The following VGLL3 variants were observed in gnomAD, a reference collection of about 807,000 sequenced individuals.
The protein encoded by VGLL3 is vestigial like family member 3.
VGLL3 carries 18 observed loss-of-function variants against 29.2 expected under a neutral mutation model. The observed-to-expected ratio is 0.62, with a 90% confidence interval of 0.43 to 0.91. VGLL3 has a LOEUF of 0.91. VGLL3 is among the 40% of genes least tolerant of loss of function. The pLI is 0.00. For missense variants in VGLL3, 440 were observed against 413.2 expected, an observed-to-expected ratio of 1.06 and a Z score of -0.56; for synonymous variants, 180 against 151.8, an observed-to-expected ratio of 1.19 and a Z score of -1.36.
In VGLL3 at chr3:86,990,909, G is replaced by T. The variant is rs1705572993; in HGVS notation, c.-166C>A. On this transcript the variant is annotated 5_prime_UTR_variant, in exon 1 of 4. Coordinates refer to ENST00000398399, the MANE Select transcript of VGLL3 (RefSeq NM_016206.4). ...GCCTCGGGCTCCGCGCGGGGCGCGG[G>T]GTCGGGAGGGACTGGCAATCAGCGG... is the stretch of plus-strand genomic sequence containing the variant. 9.0e-7 allele frequency: 1 copy of T among 1,113,088 alleles called. No individual in the cohort carries two copies. The allele number at this position is 1,113,088 out of a possible 1,614,324, so 69.0% of individuals were successfully genotyped here.
chr3:86,981,190 A>G (rs1705318278), intron 1 of VGLL3, among the ~76,000 whole-genome samples: 1 of 152,148 alleles, frequency 6.6e-6, no homozygotes, highest in Non-Finnish European at 1.5e-5. Context: ...TATCAATAGT[A>G]GCAATCATAA....
At chr3:86,990,361 C>T in intron 1 of VGLL3, 2 of 985,384 alleles carry the variant, frequency 2.0e-6, no homozygotes, top group Non-Finnish European at 2.4e-6. Context: ...AGCTAGGGTG[C>T]CTAGGAGGAG....
chr3:86,949,188 G>A (rs1420347930), intron 3 of VGLL3, among the ~76,000 whole-genome samples: 1 of 152,154 alleles, frequency 6.6e-6, no homozygotes, highest in African/African-American at 2.4e-5. Context: ...AAAATCACGT[G>A]AGACTTTTGC....
At position 86,945,782 on chromosome 3, in the gene VGLL3, AATC is replaced by A. The variant is rs1364699593; in HGVS notation, c.*1239_*1241del. On this transcript the variant is annotated 3_prime_UTR_variant, in exon 4 of 4. Coordinates refer to ENST00000398399, the MANE Select transcript of VGLL3 (RefSeq NM_016206.4). ...TAAATTTCTTTCTAAAAAGGAATTA[AATC>A]AAGTAAAGCCAGATTTAAACAAACA... 1 of 152,182 alleles carries A rather than the reference AATC, an allele frequency of 6.6e-6. No individual in the cohort carries two copies. The highest frequency in any genetic ancestry group is 1.5e-5 in the Non-Finnish European group (1 of 68,018). The allele number at this position is 152,182 out of a possible 1,614,324, so 9.4% of individuals were successfully genotyped here.
At chr3:86,973,306 T>A (rs1213500764) in intron 2 of VGLL3, among the ~76,000 whole-genome samples, 2 of 152,216 alleles carry the variant, frequency 1.3e-5, no homozygotes, top group African/African-American at 2.4e-5. Context: ...GATTATTAAA[T>A]GCTAAAAGGT....
rs149203541 is a variant in VGLL3 at position 86,983,649 on chromosome 3, A to G, written c.127-4847T>C. 7.3e-3 allele frequency among the ~76,000 whole-genome samples: 1,109 copies of G among 152,222 alleles called. 6 individuals are homozygous for G. The highest frequency in any genetic ancestry group is 9.8e-3 in the Non-Finnish European group (665 of 67,994). On this transcript the variant is annotated intron_variant, in intron 1 of 3. Coordinates refer to ENST00000398399, the MANE Select transcript of VGLL3 (RefSeq NM_016206.4). ...GATCCTCCTGCCTCAGCCTCCCAGA[A>G]GTGTTGGGATTACAGGCATGAGCCA...
intron 3 of VGLL3, among the ~76,000 whole-genome samples, chr3:86,967,107 C>A (rs1704981367): frequency 6.6e-6 from 1 of 151,918 alleles, no homozygotes; most frequent in African/African-American, 2.4e-5. Flanking sequence ...ACATCCATTT[C>A]CCCCCTTATT....
intron 3 of VGLL3, among the ~76,000 whole-genome samples, chr3:86,958,409 A>C (rs1411877370): frequency 2.6e-5 from 4 of 152,204 alleles, no homozygotes; most frequent in African/African-American, 9.7e-5. Flanking sequence ...AATGATTCAA[A>C]TTTACACCAC....
At position 86,944,236 on chromosome 3, in the gene VGLL3, TC is replaced by T; in HGVS notation, c.*2787del. The T allele has an allele frequency of 1.3e-5, 2 of 152,210 alleles. No individual in the cohort carries two copies. The highest frequency in any genetic ancestry group is 2.9e-5 in the Non-Finnish European group (2 of 68,120). 9.4% of individuals were successfully genotyped at this position (152,210 alleles called of 1,614,324 possible). On this transcript the variant is annotated 3_prime_UTR_variant, in exon 4 of 4. Transcript: ENST00000398399. Reference sequence around the variant, plus strand: ...TGGCAGTGTACCCCAAACACCTAGGTCCTGTTTTCTTTTTCCTTTTGAGACA... The same window carrying T: ...TGGCAGTGTACCCCAAACACCTAGGTCTGTTTTCTTTTTCCTTTTGAGACA...
At chr3:86,947,662 CTTATT>C (rs1559718557) in intron 3 of VGLL3, among the ~76,000 whole-genome samples, 1 of 152,064 alleles carries the variant, frequency 6.6e-6, no homozygotes, top group South Asian at 2.1e-4. Flanking sequence ...TATTAATTTA[CTTATT>C]TTATCTTATC....
chr3:86,968,535 C>A, intron 3 of VGLL3, 55 bp downstream of exon 3: 1 of 1,518,472 alleles, frequency 6.6e-7, no homozygotes, highest in East Asian at 2.3e-5. Context: ...AAATTTCCAC[C>A]CTTTCTTAAA....
chr3:86,964,622 G>T (rs1023756701), intron 3 of VGLL3, among the ~76,000 whole-genome samples: 1 of 152,130 alleles, frequency 6.6e-6, no homozygotes, highest in Non-Finnish European at 1.5e-5. Context: ...TGGCATTAGT[G>T]CCCTTATAAA....
At position 86,968,570 on chromosome 3, in the gene VGLL3, A is replaced by G; in HGVS notation, c.937+20T>C. 6.3e-7 allele frequency: 1 copy of G among 1,589,516 alleles called. No homozygotes were observed. The highest frequency in any genetic ancestry group is 8.6e-7 in the Non-Finnish European group (1 of 1,166,332). On this transcript the variant is annotated intron_variant, in intron 3 of 3. Transcript: ENST00000398399. ...ATTAACTTTATCTTGTTATAGGAAG[A>G]AAGAAATCCAGCAGCTTACCTGTAT...
chr3:86,982,226 C>T (rs951184382), intron 1 of VGLL3, among the ~76,000 whole-genome samples: 10 of 152,098 alleles, frequency 6.6e-5, no homozygotes, highest in Non-Finnish European at 1.0e-4. Flanking sequence ...CTCACTGCAA[C>T]CTCCGCCTCC....
rs1240327238 is a variant in VGLL3 at position 86,940,786 on chromosome 3, A to G, written c.*6238T>C. ...AAGAAAATGTTTTCCCAACCCCACAAAAACAGAAAAAAATATATAATTTTA... is the reference window on the plus strand; with the variant it reads ...AAGAAAATGTTTTCCCAACCCCACAGAAACAGAAAAAAATATATAATTTTA... On this transcript the variant is annotated 3_prime_UTR_variant, in exon 4 of 4. Transcript: ENST00000398399. The G allele has an allele frequency of 6.6e-6, 1 of 151,884 alleles. No individual in the cohort carries two copies. The highest frequency in any genetic ancestry group is 1.5e-5 in the Non-Finnish European group (1 of 67,884). The allele number at this position is 151,884 out of a possible 1,614,324, so 9.4% of individuals were successfully genotyped here.
chr3:86,978,351 C>A (rs1436937322), intron 2 of VGLL3, among the ~76,000 whole-genome samples, 175 bp downstream of exon 2: 1 of 152,154 alleles, frequency 6.6e-6, no homozygotes, highest in Non-Finnish European at 1.5e-5. Flanking sequence ...ACCCTACATT[C>A]CACATGTGAC....
At chr3:86,958,199 A>G (rs574663523) in intron 3 of VGLL3, among the ~76,000 whole-genome samples, 1 of 152,268 alleles carries the variant, frequency 6.6e-6, no homozygotes, top group South Asian at 2.1e-4. Flanking sequence ...GTCACAATAA[A>G]CATTTTTGTA....
At chr3:86,957,655 C>T (rs1186830181) in intron 3 of VGLL3, among the ~76,000 whole-genome samples, 1 of 152,122 alleles carries the variant, frequency 6.6e-6, no homozygotes, top group African/African-American at 2.4e-5. Context: ...GTTTCAGTCC[C>T]ATTTTTCCCT....
intron 2 of VGLL3, among the ~76,000 whole-genome samples, chr3:86,973,129 AT>A (rs1261247823): frequency 7.9e-5 from 12 of 152,278 alleles, no homozygotes; most frequent in Non-Finnish European, 1.5e-5. Context: ...CGAGTAAAAA[AT>A]TTAAGAAAGA....
Sources: allele counts gnomAD v4.1 joint callset (sites outside exome capture counted in the v4.1 genomes callset), GRCh38; gene constraint gnomAD v4.1.1; transcripts MANE v1.5; gene names NCBI Gene and HGNC (gene_info 2026-07-23, HGNC 2026-07-21).